DHX29: variants seen among roughly 807,000 people sequenced by gnomAD.
The protein encoded by DHX29 is ATP-dependent RNA helicase DHX29.
Under a neutral mutation model 167.9 loss-of-function variants are expected in DHX29, and 79 were observed. The ratio of observed to expected loss-of-function variants is 0.47; its 90% CI spans 0.39 to 0.57. The LOEUF (loss-of-function observed/expected upper bound fraction) is 0.57, where lower values mean the gene tolerates loss of function less well. Ranked by LOEUF, DHX29 falls within the 20% of genes least tolerant of loss-of-function variation. DHX29 has a pLI of 0.00. For missense variants in DHX29, 1,347 were observed against 1,593.4 expected (o/e 0.85, Z 2.63); for synonymous variants, 530 against 546.0 (o/e 0.97, Z 0.41).
Position 55,298,631 on chromosome 5 carries a change from T to C in DHX29, c.221A>G (p.Asp74Gly). ...ATCCAGATTTGCAGGACCACTAGAA[T>C]CATTTGTAGAATTAAAACTATAAAT... Reference protein sequence around the residue: ...PKIYSFNSTNDSSGPANLDKS... With the variant: ...PKIYSFNSTNGSSGPANLDKS... The change falls in exon 2 of 27, where the codon GAT becomes GGT. Residue 74 changes from aspartate to glycine, a missense_variant. Physicochemically the swap from Asp to Gly is moderately conservative, Grantham distance 94. Around this residue, in one of 3 missense-constraint regions of DHX29, gnomAD observed 405 missense variants for 416.8 expected, o/e 0.97. Transcript: ENST00000251636. The C allele has an allele frequency of 6.4e-7, 1 of 1,553,400 alleles. No individual in the cohort carries two copies. Among genetic ancestry groups the C allele is most frequent in the Non-Finnish European group, 8.9e-7 (1 of 1,126,358 alleles).
At position 55,276,372 on chromosome 5, in the gene DHX29, C is replaced by G; in HGVS notation, c.2321G>C (p.Gly774Ala). ...TTCTGAGTCTTTTTCCAGTACAAAG[C>G]CTGTTTCTTCTATTATATCTTCAAG... ...FHLEDIIEET[G>A]FVLEKDSEYC... The change falls in exon 14 of 27, where the codon GGC becomes GCC. Residue 774 changes from glycine (G) to alanine (A), a missense_variant. Physicochemically the swap from Gly to Ala is moderately conservative, Grantham distance 60. This residue lies in a region of DHX29 where 882 missense variants were observed against 1,082.4 expected (regional missense o/e 0.81). Transcript: ENST00000251636. 6.3e-7 allele frequency: 1 copy of G among 1,599,178 alleles called. No homozygotes were observed. The highest frequency in any genetic ancestry group is 8.5e-7 in the Non-Finnish European group (1 of 1,174,864).
chr5:55,260,907 C>A (rs1746284011), intron 25 of DHX29, among the ~76,000 whole-genome samples: 1 of 151,958 alleles, frequency 6.6e-6, no homozygotes, highest in Non-Finnish European at 1.5e-5. Context: ...TTTTTTATTC[C>A]TTTTTATTCC....
At chr5:55,261,290 A>G in intron 25 of DHX29, 78 bp downstream of exon 25, 1 of 704,810 alleles carries the variant, frequency 1.4e-6, no homozygotes, top group Non-Finnish European at 2.3e-6. Flanking sequence ...AAACTCCAAT[A>G]AAATTTAAAA....
intron 25 of DHX29, among the ~76,000 whole-genome samples, 169 bp from the exon 26 acceptor site, chr5:55,260,113 T>C (rs571683242): frequency 6.6e-6 from 1 of 152,354 alleles, no homozygotes; most frequent in South Asian, 2.1e-4. Flanking sequence ...CATGCAAACC[T>C]GTCAATTTCC....
intron 21 of DHX29, among the ~76,000 whole-genome samples, chr5:55,269,017 A>G (rs182431562): frequency 7.2e-5 from 11 of 152,000 alleles, no homozygotes; most frequent in African/African-American, 2.6e-4. Context: ...ATAAATATAA[A>G]AAGTTAAATA....
chr5:55,304,456 G>A (rs1748761559), intron 1 of DHX29, among the ~76,000 whole-genome samples: 1 of 151,854 alleles, frequency 6.6e-6, no homozygotes, highest in Non-Finnish European at 1.5e-5. Flanking sequence ...GGGACTACAG[G>A]CGCTCGCCAC....
In DHX29 at chr5:55,299,398, C is replaced by T. The variant is rs186521477; in HGVS notation, c.188-734G>A. On this transcript the variant is annotated intron_variant, in intron 1 of 26. Coordinates refer to ENST00000251636, the MANE Select transcript of DHX29 (RefSeq NM_019030.4). The stretch of plus-strand genomic sequence containing the variant: ...TAAGTGAAAAGGGAGGTGGGAGTTC[C>T]TATCATCTTTTCTCCTTGAACTCAA... Among the ~76,000 whole-genome samples, 10 of 152,188 alleles carry T rather than the reference C, an allele frequency of 6.6e-5. No individual in the cohort carries two copies. The East Asian group carries it at 1.2e-3, about 18-fold the overall frequency.
At chr5:55,298,451 T>G (rs1481937720) in intron 2 of DHX29, 140 bp downstream of exon 2, 1 of 569,418 alleles carries the variant, frequency 1.8e-6, no homozygotes, top group Non-Finnish European at 3.3e-6. Context: ...TTACTTATTT[T>G]TAGTAGAGAT....
intron 13 of DHX29, 86 bp from the exon 14 acceptor site, chr5:55,276,492 T>C: frequency 1.9e-6 from 2 of 1,025,984 alleles, no homozygotes; most frequent in Non-Finnish European, 2.8e-6. Flanking sequence ...CACCACCTTT[T>C]GAATGTCACC....
intron 23 of DHX29, among the ~76,000 whole-genome samples, chr5:55,266,548 A>ATTTTTTT (rs563215075): frequency 1.2e-4 from 17 of 138,122 alleles, no homozygotes; most frequent in African/African-American, 3.7e-4. Context: ...ACCTCAGGTG[A>ATTTTTTT]TTTTTTTTTT....
intron 26 of DHX29, among the ~76,000 whole-genome samples, chr5:55,257,312 A>G (rs1242436587): frequency 6.6e-6 from 1 of 152,232 alleles, no homozygotes; most frequent in Non-Finnish European, 1.5e-5. Context: ...GTCGCTTTCA[A>G]TAGTTGCAAT....
At chr5:55,264,622 A>AAAGGGGCTCT (rs1203357680) in intron 23 of DHX29, among the ~76,000 whole-genome samples, 1 of 152,240 alleles carries the variant, frequency 6.6e-6, no homozygotes, top group Non-Finnish European at 1.5e-5. Flanking sequence ...CAGCCAACCC[A>AAAGGGGCTCT]AAGGGGCTCT....
At chr5:55,260,023 A>G (rs1746235237) in intron 25 of DHX29, 79 bp from the exon 26 acceptor site, 2 of 726,912 alleles carry the variant, frequency 2.8e-6, no homozygotes, top group Non-Finnish European at 4.7e-6. Context: ...AGGCAAGCCT[A>G]TATTACAATC....
At chr5:55,300,203 C>T (rs565504443) in intron 1 of DHX29, among the ~76,000 whole-genome samples, 15 of 151,130 alleles carry the variant, frequency 9.9e-5, no homozygotes, top group African/African-American at 3.7e-4. Context: ...GAGACTTTGC[C>T]TCTACAAAAA....
intron 11 of DHX29, among the ~76,000 whole-genome samples, chr5:55,282,791 CT>C (rs1319061422): frequency 6.6e-6 from 1 of 151,842 alleles, no homozygotes; most frequent in East Asian, 1.9e-4. Flanking sequence ...TTAATTTATA[CT>C]GTTTTTCCCT....
intron 12 of DHX29, among the ~76,000 whole-genome samples, chr5:55,279,261 T>C (rs936306125): frequency 1.3e-5 from 2 of 152,130 alleles, no homozygotes; most frequent in Non-Finnish European, 2.9e-5. Flanking sequence ...AAAGACACTT[T>C]TACTTTGGTG....
intron 25 of DHX29, 61 bp downstream of exon 25, chr5:55,261,307 C>T (rs755221970): frequency 9.9e-5 from 82 of 829,556 alleles, no homozygotes; most frequent in Admixed American, 7.2e-4. Context: ...AAAAAATGTA[C>T]CTCAATGGTA....
intron 26 of DHX29, 104 bp from the exon 27 acceptor site, chr5:55,256,644 A>C: frequency 1.1e-6 from 1 of 949,614 alleles, no homozygotes; most frequent in South Asian, 1.9e-5. Flanking sequence ...AAATTTTTAC[A>C]TTAGAATACA....
At chr5:55,267,927 T>G in intron 21 of DHX29, 105 bp from the exon 22 acceptor site, 1 of 693,618 alleles carries the variant, frequency 1.4e-6, no homozygotes, top group Non-Finnish European at 2.1e-6. Context: ...CACTTTAAGT[T>G]GCCTGTTTAT....
Sources: gnomAD v4.1 joint callset for allele counts (sites outside exome capture counted in the v4.1 genomes callset) on GRCh38, gnomAD v4.1.1 for gene constraint, gnomAD v4.1.1 regional missense constraint, MANE v1.5 for transcripts, NCBI Gene and HGNC (gene_info 2026-07-23, HGNC 2026-07-21) for gene names.